SLC15A5: variants seen among roughly 807,000 people sequenced by gnomAD.
SLC15A5 encodes solute carrier family 15 member 5, also known as Peptide/histidine transporter ENSP00000340402.
In SLC15A5, 58 loss-of-function variants were observed where a neutral mutation model predicts 56.1. The ratio of observed to expected loss-of-function variants is 1.03; its 90% CI spans 0.84 to 1.29. SLC15A5 has a LOEUF of 1.29. Among genes scored for constraint, SLC15A5 ranks in the 50% most tolerant of loss-of-function variants. SLC15A5 has a pLI of 0.00. For missense variants in SLC15A5, 681 were observed against 672.1 expected, an observed-to-expected ratio of 1.01 and a Z score of -0.15; for synonymous variants, 264 against 250.5, an observed-to-expected ratio of 1.05 and a Z score of -0.51.
chr12:16,215,231 C>CAAAA (rs1864120381), intron 7 of SLC15A5, among the ~76,000 whole-genome samples: 5 of 25,820 alleles, frequency 1.9e-4, no homozygotes, highest in South Asian at 1.8e-3. Flanking sequence ...AAAAAAAAAC[C>CAAAA]AAAGTGAGGA....
At position 16,237,890 on chromosome 12, in the gene SLC15A5, C is replaced by G. The variant is rs985791253; in HGVS notation, c.1162+1791G>C. Among the ~76,000 whole-genome samples, 3 of 152,160 alleles carry G rather than the reference C, an allele frequency of 2.0e-5. No homozygotes were observed. Among genetic ancestry groups the G allele is most frequent in the African/African-American group, 7.2e-5 (3 of 41,446 alleles). On this transcript the variant is annotated intron_variant, in intron 5 of 8. Transcript: ENST00000344941. The surrounding 1 kb of genome is among the most constrained non-coding windows in gnomAD (Gnocchi z 4.1). ...ATCATGGACTTGCTGAAGGTATATA[C>G]AAACCATGTCTTACTTTTCCTTTTT...
In SLC15A5 at chr12:16,205,586, T is replaced by C. The variant is rs1413625713; in HGVS notation, c.1484-11133A>G. ...CCATAAGAAGGGAAAGGTGCATATA[T>C]ATATACATATACACACACACACACA... On this transcript the variant is annotated intron_variant, in intron 7 of 8. Coordinates refer to ENST00000344941, the MANE Select transcript of SLC15A5 (RefSeq NM_001170798.1). Among the ~76,000 whole-genome samples the C allele has an allele frequency of 2.1e-3, 30 of 14,008 alleles. 1 individual carries two copies. Among genetic ancestry groups the C allele is most frequent in the African/African-American group, 6.0e-3 (27 of 4,522 alleles). The allele number at this position is 14,008 out of a possible 152,430, so 9.2% of individuals were successfully genotyped here. A position where few individuals can be genotyped will look rare whatever the true frequency, so the allele number is the denominator to read the frequency against.
At position 16,244,918 on chromosome 12, in the gene SLC15A5, G is replaced by C; in HGVS notation, c.755-118C>G. ...CGGCAGTGAAGTGAGAAAGTTTTTA[G>C]CACCCAAGGGGTCGGACTCAAAGGA... is the stretch of plus-strand genomic sequence containing the variant. On this transcript the variant is annotated intron_variant, in intron 3 of 8. Transcript: ENST00000344941. 2.8e-6 allele frequency: 3 copies of C among 1,084,630 alleles called. No individual in the cohort carries two copies. In the South Asian group the frequency reaches 4.8e-5, roughly 17 times the overall value. 67.2% of individuals were successfully genotyped at this position (1,084,630 alleles called of 1,614,324 possible). A position where few individuals can be genotyped will look rare whatever the true frequency, so the allele number is the denominator to read the frequency against.
chr12:16,259,172 C>T (rs920648951), intron 2 of SLC15A5, among the ~76,000 whole-genome samples: 1 of 149,728 alleles, frequency 6.7e-6, no homozygotes, highest in Non-Finnish European at 1.5e-5. Flanking sequence ...TAGCTGGGAC[C>T]ACAAGCACGC....
chr12:16,224,005 C>T (rs1342804990), intron 6 of SLC15A5, among the ~76,000 whole-genome samples: 4 of 152,092 alleles, frequency 2.6e-5, no homozygotes, highest in South Asian at 2.1e-4. Context: ...CGTGAGCCAC[C>T]GCACCCGGCC....
intron 2 of SLC15A5, among the ~76,000 whole-genome samples, chr12:16,259,329 C>T (rs182720109): frequency 1.1e-4 from 17 of 151,672 alleles, no homozygotes; most frequent in African/African-American, 3.9e-4. Context: ...TTCCTTCCCT[C>T]CTTTCCTCCC....
In SLC15A5 at chr12:16,189,469, A is replaced by G. The variant is rs962911967; in HGVS notation, c.*199T>C. ...CTTTGAAATTATTTTATTAATTCTA[A>G]TGCTATAACATGTTAATGCAAAAGC... On this transcript the variant is annotated 3_prime_UTR_variant, in exon 9 of 9. Transcript: ENST00000344941. 1.8e-5 allele frequency: 7 copies of G among 389,320 alleles called. No homozygotes were observed. The highest frequency in any genetic ancestry group is 3.1e-5 in the Non-Finnish European group (7 of 228,546). 24.1% of individuals were successfully genotyped at this position (389,320 alleles called of 1,614,324 possible).
chr12:16,258,893 T>C (rs1591658645), intron 2 of SLC15A5, among the ~76,000 whole-genome samples: 1 of 152,006 alleles, frequency 6.6e-6, no homozygotes, highest in South Asian at 2.1e-4. Flanking sequence ...TTGGTTAGAA[T>C]TGGGTTACAA....
chr12:16,198,693 T>A (rs1863919730), intron 7 of SLC15A5, among the ~76,000 whole-genome samples: 1 of 152,170 alleles, frequency 6.6e-6, no homozygotes, highest in Non-Finnish European at 1.5e-5. Context: ...TCTACTCTGG[T>A]CCTGAGACTG....
chr12:16,262,746 G>A (rs1426486805), intron 2 of SLC15A5, among the ~76,000 whole-genome samples: 2 of 152,162 alleles, frequency 1.3e-5, no homozygotes, highest in Non-Finnish European at 2.9e-5. Context: ...TTGAATCATG[G>A]GGGCGGGTCT....
intron 7 of SLC15A5, among the ~76,000 whole-genome samples, chr12:16,199,304 C>CAAAAA (rs10687463): frequency 0.038 from 3,432 of 91,274 alleles, 89 homozygotes; most frequent in African/African-American, 0.055. Flanking sequence ...TAGACTGTCT[C>CAAAAA]AAAAAAAAAA....
intron 3 of SLC15A5, among the ~76,000 whole-genome samples, chr12:16,256,933 GATAGA>G (rs1864581395): frequency 4.0e-5 from 6 of 151,538 alleles, no homozygotes; most frequent in Non-Finnish European, 8.8e-5. Context: ...TAGATAGATA[GATAGA>G]TAGATAGATA....
At chr12:16,217,095 G>A (rs904023507) in intron 6 of SLC15A5, 71 bp from the exon 7 acceptor site, 5 of 1,420,608 alleles carry the variant, frequency 3.5e-6, no homozygotes, top group Non-Finnish European at 4.6e-6. Context: ...TGTTCAAATT[G>A]ATGTTGATCA....
intron 4 of SLC15A5, 71 bp downstream of exon 4, chr12:16,244,509 C>T: frequency 7.3e-7 from 1 of 1,378,956 alleles, no homozygotes; most frequent in Non-Finnish European, 9.9e-7. Context: ...GGAGAAAATT[C>T]ACCTTGACTT....
In SLC15A5 at chr12:16,277,673, C is replaced by A; in HGVS notation, c.13G>T (p.Gly5Cys). 2.0e-6 allele frequency: 3 copies of A among 1,531,516 alleles called. No individual in the cohort carries two copies. In the Middle Eastern group the frequency reaches 5.1e-4, roughly 258 times the overall value. The allele number at this position is 1,531,516 out of a possible 1,614,324, so 94.9% of individuals were successfully genotyped here. MSVT[G>C]FTITDEKVHL... ...ACTTTCTCATCAGTTATGGTAAAGC[C>A]TGTAACAGACATGACTACCCTCCTT... Residue 5 changes from glycine to cysteine, a missense_variant, in exon 1 of 9, where the codon GGC (glycine) becomes TGC (cysteine). Transcript: ENST00000344941.
chr12:16,228,969 A>C (rs535356586), intron 5 of SLC15A5, among the ~76,000 whole-genome samples: 4 of 152,252 alleles, frequency 2.6e-5, no homozygotes, highest in African/African-American at 9.6e-5. Context: ...TGCGTTGTTC[A>C]AGGGTCAACT....
At chr12:16,247,541 T>C (rs2136793802) in intron 3 of SLC15A5, among the ~76,000 whole-genome samples, 1 of 152,254 alleles carries the variant, frequency 6.6e-6, no homozygotes, top group African/African-American at 2.4e-5. Context: ...AGTGGGCTGT[T>C]ATGATAGAGA....
At chr12:16,264,199 A>G (rs1009223540) in intron 2 of SLC15A5, among the ~76,000 whole-genome samples, 4 of 152,240 alleles carry the variant, frequency 2.6e-5, no homozygotes, top group African/African-American at 9.6e-5. Flanking sequence ...GCTGAAGGCC[A>G]TGGGAACCCA....
At chr12:16,213,281 T>G (rs1399981819) in intron 7 of SLC15A5, among the ~76,000 whole-genome samples, 1 of 152,178 alleles carries the variant, frequency 6.6e-6, no homozygotes, top group Non-Finnish European at 1.5e-5. Context: ...CTATGCATAT[T>G]AATTGCTTAA....
Sources: allele counts gnomAD v4.1 joint callset (sites outside exome capture counted in the v4.1 genomes callset), GRCh38; gene constraint gnomAD v4.1.1; non-coding constraint Gnocchi (gnomAD v3.1); transcripts MANE v1.5; gene names NCBI Gene and HGNC (gene_info 2026-07-23, HGNC 2026-07-21).